PKIA: variants seen among roughly 807,000 people sequenced by gnomAD.
PKIA encodes cAMP-dependent protein kinase inhibitor alpha, also known as PKI-alpha.
PKIA carries 4 observed loss-of-function variants against 7.6 expected under a neutral mutation model. The ratio of observed to expected loss-of-function variants is 0.52; its 90% CI spans 0.26 to 1.20. The LOEUF is 1.20. Among genes scored for constraint, PKIA ranks in the 50% most tolerant of loss-of-function variants. The probability of loss-of-function intolerance (pLI) is 0.13; values close to 1 mark genes in which losing one functional copy is unlikely to be tolerated. For synonymous variants in PKIA, 21 were observed against 30.7 expected (o/e 0.68, Z 1.04); for missense variants, 73 against 86.2 (o/e 0.85, Z 0.61).
intron 1 of PKIA, among the ~76,000 whole-genome samples, chr8:78,520,760 T>C (rs933120763): frequency 6.6e-6 from 1 of 152,220 alleles, no homozygotes; most frequent in African/African-American, 2.4e-5. Flanking sequence ...TACAGAAGCA[T>C]ACACATATTA....
intron 1 of PKIA, among the ~76,000 whole-genome samples, chr8:78,530,324 T>G (rs776239612): frequency 5.2e-4 from 79 of 152,008 alleles, no homozygotes; most frequent in Non-Finnish European, 1.0e-3. Flanking sequence ...CCATGGCCAA[T>G]CTAGTGCTGC....
intron 1 of PKIA, among the ~76,000 whole-genome samples, chr8:78,539,935 A>T (rs1806634061): frequency 6.6e-6 from 1 of 152,084 alleles, no homozygotes; most frequent in Non-Finnish European, 1.5e-5. Flanking sequence ...ACATTATATG[A>T]TTTCACACCT....
chr8:78,522,506 C>A (rs1809435195), intron 1 of PKIA, among the ~76,000 whole-genome samples: 2 of 151,830 alleles, frequency 1.3e-5, no homozygotes, highest in Non-Finnish European at 2.9e-5. Context: ...GTTCTGGAAC[C>A]CTTTCATACT....
At chr8:78,528,293 A>G (rs1806298938) in intron 1 of PKIA, among the ~76,000 whole-genome samples, 1 of 152,070 alleles carries the variant, frequency 6.6e-6, no homozygotes, top group African/African-American at 2.4e-5. Flanking sequence ...TTGTTGATTA[A>G]TGGTGCCTAT....
intron 1 of PKIA, among the ~76,000 whole-genome samples, chr8:78,571,865 T>C (rs1807557308): frequency 6.6e-6 from 1 of 152,046 alleles, no homozygotes; most frequent in Admixed American, 6.6e-5. Flanking sequence ...GGCTGGCTCA[T>C]TGTCTGTCGC....
At chr8:78,553,910 T>C (rs547562519) in intron 1 of PKIA, among the ~76,000 whole-genome samples, 14 of 151,984 alleles carry the variant, frequency 9.2e-5, no homozygotes, top group South Asian at 2.1e-4. Flanking sequence ...AGTGGACTGT[T>C]TATAAATGTT....
chr8:78,597,222 A>G (rs1235433169), intron 2 of PKIA, among the ~76,000 whole-genome samples: 1 of 152,012 alleles, frequency 6.6e-6, no homozygotes, highest in Non-Finnish European at 1.5e-5. Flanking sequence ...TGTGGAAAAT[A>G]TCGTTGGTAG....
At chr8:78,520,004 AAC>A (rs1292091048) in intron 1 of PKIA, among the ~76,000 whole-genome samples, 1 of 152,156 alleles carries the variant, frequency 6.6e-6, no homozygotes, top group Non-Finnish European at 1.5e-5. Context: ...CTTTCATGTG[AAC>A]ATGCTTTGTC....
intron 1 of PKIA, chr8:78,534,582 T>C (rs1806472788): frequency 6.6e-6 from 1 of 152,092 alleles, no homozygotes; most frequent in Admixed American, 6.6e-5. Flanking sequence ...TGATCACATA[T>C]ACTATTCCAG....
chr8:78,519,619 T>C (rs1030233639), intron 1 of PKIA, among the ~76,000 whole-genome samples: 6 of 152,210 alleles, frequency 3.9e-5, no homozygotes, highest in Admixed American at 1.3e-4. Context: ...GCCAGATTTC[T>C]ATAATATTTC....
intron 2 of PKIA, among the ~76,000 whole-genome samples, chr8:78,575,602 A>T (rs1234556903): frequency 6.6e-6 from 1 of 151,994 alleles, no homozygotes; most frequent in East Asian, 1.9e-4. Context: ...CTCCTATTAT[A>T]CACGTGCAAG....
At chr8:78,537,000 TCTAAG>T (rs1806543981) in intron 1 of PKIA, among the ~76,000 whole-genome samples, 1 of 151,814 alleles carries the variant, frequency 6.6e-6, no homozygotes. Context: ...CCTTTCCTTC[TCTAAG>T]AAGTGTCAGG....
chr8:78,572,386 C>A (rs1474675746), intron 1 of PKIA, among the ~76,000 whole-genome samples: 1 of 151,808 alleles, frequency 6.6e-6, no homozygotes. Context: ...TTTTGAAGAT[C>A]TAAGTGAAGA....
At chr8:78,590,390 A>T (rs988188317) in intron 2 of PKIA, among the ~76,000 whole-genome samples, 1 of 152,162 alleles carries the variant, frequency 6.6e-6, no homozygotes, top group Non-Finnish European at 1.5e-5. Context: ...AAGCATATTC[A>T]TATGACTTCA....
chr8:78,538,666 G>T (rs1322346318), intron 1 of PKIA, among the ~76,000 whole-genome samples: 1 of 151,904 alleles, frequency 6.6e-6, no homozygotes, highest in African/African-American at 2.4e-5. Flanking sequence ...CTCTTGGTGT[G>T]CGCTGAGGTA....
At chr8:78,568,395 G>A (rs1299610949) in intron 1 of PKIA, among the ~76,000 whole-genome samples, 1 of 152,030 alleles carries the variant, frequency 6.6e-6, no homozygotes, top group Non-Finnish European at 1.5e-5. Flanking sequence ...TAAAGGGCAT[G>A]GTGTATATAG....
Position 78,526,772 on chromosome 8 carries a change from T to TA in PKIA, c.-157+10316dup, listed in dbSNP as rs879926887. Reference sequence around the variant, plus strand: ...TGAATAGCAAAACTGTTAAACAAAATAAAAAAAAAAAATAGAGCCTCACTT... The same window carrying TA: ...TGAATAGCAAAACTGTTAAACAAAATAAAAAAAAAAAAATAGAGCCTCACTT... On this transcript the variant is annotated intron_variant, in intron 1 of 3. Transcript: ENST00000396418. Among the ~76,000 whole-genome samples, 1,165 of 136,960 alleles carry TA rather than the reference T, an allele frequency of 8.5e-3. 8 individuals are homozygous for TA. The highest frequency in any genetic ancestry group is 0.015 in the African/African-American group (571 of 37,568). 89.9% of individuals were successfully genotyped at this position (136,960 alleles called of 152,430 possible). A position where few individuals can be genotyped will look rare whatever the true frequency, so the allele number is the denominator to read the frequency against.
At chr8:78,552,934 A>C (rs1455224985) in intron 1 of PKIA, among the ~76,000 whole-genome samples, 1 of 152,002 alleles carries the variant, frequency 6.6e-6, no homozygotes, top group Non-Finnish European at 1.5e-5. Context: ...CTCTTACAAA[A>C]ATAAACACTA....
At chr8:78,589,756 A>C (rs1808048909) in intron 2 of PKIA, among the ~76,000 whole-genome samples, 1 of 152,176 alleles carries the variant, frequency 6.6e-6, no homozygotes, top group Admixed American at 6.5e-5. Flanking sequence ...AGTAAAAAAA[A>C]AAATTCATTT....
Sources: gnomAD v4.1 joint callset for allele counts (sites outside exome capture counted in the v4.1 genomes callset) on GRCh38, gnomAD v4.1.1 for gene constraint, MANE v1.5 for transcripts, NCBI Gene and HGNC (gene_info 2026-07-23, HGNC 2026-07-21) for gene names.